USP50: variants seen among roughly 807,000 people sequenced by gnomAD.
USP50 encodes the protein ubiquitin carboxyl-terminal hydrolase 50.
Under a neutral mutation model 39.2 loss-of-function variants are expected in USP50, and 37 were observed. The ratio of observed to expected loss-of-function variants is 0.94; its 90% CI spans 0.73 to 1.24. The LOEUF (loss-of-function observed/expected upper bound fraction) is 1.24, where lower values mean the gene tolerates loss of function less well. Among genes scored for constraint, USP50 ranks in the 50% most tolerant of loss-of-function variants. USP50 has a pLI of 0.00. For synonymous variants in USP50, 139 were observed against 144.5 expected, an observed-to-expected ratio of 0.96 and a Z score of 0.27; for missense variants, 374 against 398.2, an observed-to-expected ratio of 0.94 and a Z score of 0.52.
intron 6 of USP50, among the ~76,000 whole-genome samples, chr15:50,525,514 A>C (rs1361427325): frequency 1.8e-5 from 2 of 109,620 alleles, no homozygotes; most frequent in East Asian, 4.8e-4. Context: ...GTGTGTATAT[A>C]TATGTATATA....
At chr15:50,539,391 G>GT (rs55858194) in intron 4 of USP50, among the ~76,000 whole-genome samples, 4,547 of 135,982 alleles carry the variant, frequency 0.033, 220 homozygotes, top group African/African-American at 0.11. Context: ...TAACTTTTCT[G>GT]TTTTTTTTTT....
In USP50 at chr15:50,546,564, A is replaced by G. The variant is rs753349695; in HGVS notation, c.-39T>C. ...CGTTGGACTTTTGCTTCTATTCAGG[A>G]GCTACATCTATTCCTTTCAACTTCA... is the stretch of plus-strand genomic sequence containing the variant. On this transcript the variant is annotated 5_prime_UTR_variant, in exon 1 of 7. Transcript: ENST00000532404. The G allele has an allele frequency of 6.2e-7, 1 of 1,609,372 alleles. No individual in the cohort carries two copies. The highest frequency in any genetic ancestry group is 8.5e-7 in the Non-Finnish European group (1 of 1,175,934).
intron 6 of USP50, among the ~76,000 whole-genome samples, chr15:50,522,278 A>T (rs529127254): frequency 6.6e-6 from 1 of 151,926 alleles, no homozygotes; most frequent in Non-Finnish European, 1.5e-5. Context: ...TACAAAAATT[A>T]GCCAGGCATG....
chr15:50,540,979 A>G, intron 4 of USP50, 70 bp downstream of exon 4: 2 of 1,221,916 alleles, frequency 1.6e-6, no homozygotes, highest in Middle Eastern at 1.9e-4. Flanking sequence ...CAAATGTAGG[A>G]AACAGCCCCG....
rs1420429309 is a variant in USP50 at position 50,518,094 on chromosome 15, T to C, written c.936+11703A>G. 2.0e-5 allele frequency among the ~76,000 whole-genome samples: 3 copies of C among 152,110 alleles called. No homozygotes were observed. In the East Asian group the frequency reaches 5.8e-4, roughly 29 times the overall value. On this transcript the variant is annotated intron_variant, in intron 6 of 6. Transcript: ENST00000532404. The stretch of plus-strand genomic sequence containing the variant: ...CATTACCTGACTTTAAAATATACTA[T>C]AAAACTATAGTAACCAAAACAGTAT...
chr15:50,543,463 G>A (rs2053045533), intron 3 of USP50, 135 bp downstream of exon 3: 2 of 775,450 alleles, frequency 2.6e-6, no homozygotes, highest in Non-Finnish European at 4.1e-6. Context: ...TAACTTGGAT[G>A]TTCTCCATGG....
chr15:50,493,682 CTGCAGTGAGCCGTGATTG>C, downstream of USP50: 1 of 370,734 alleles, frequency 2.7e-6, no homozygotes, highest in Non-Finnish European at 5.3e-6. Flanking sequence ...AAGGTCAAGG[CTGCAGTGAGCCGTGATTG>C]TGCCGCTATA....
At chr15:50,497,116 G>GA, downstream of USP50, 2 of 1,604,644 alleles carry the variant, frequency 1.2e-6, no homozygotes, top group Non-Finnish European at 1.7e-6. Flanking sequence ...TTCCAAAGAA[G>GA]AAAAACTCAC....
chr15:50,522,071 G>T (rs1468139462), intron 6 of USP50, among the ~76,000 whole-genome samples: 1 of 152,116 alleles, frequency 6.6e-6, no homozygotes, highest in Non-Finnish European at 1.5e-5. Flanking sequence ...GGATAGTCTA[G>T]AAGAAATGTA....
downstream of USP50, chr15:50,498,359 A>T (rs62019115): frequency 4.7e-6 from 2 of 426,346 alleles, no homozygotes; most frequent in African/African-American, 2.0e-5. Context: ...TCCTACCTCT[A>T]CCATTCTGGC....
chr15:50,494,000 G>A, downstream of USP50: 1 of 1,535,450 alleles, frequency 6.5e-7, no homozygotes, highest in Non-Finnish European at 9.0e-7. Context: ...TTGACATCAA[G>A]AATCTACTGT....
chr15:50,542,878 TAACCATTCC>T (rs1397658267), intron 3 of USP50, among the ~76,000 whole-genome samples: 1 of 152,176 alleles, frequency 6.6e-6, no homozygotes, highest in African/African-American at 2.4e-5. Flanking sequence ...ACCTTTATGC[TAACCATTCC>T]CTGGGTATTA....
intron 5 of USP50, among the ~76,000 whole-genome samples, chr15:50,531,125 C>T (rs1542958): frequency 5.8e-4 from 88 of 151,840 alleles, no homozygotes; most frequent in African/African-American, 2.0e-3. Context: ...GAAATTACCG[C>T]GACTGAGACA....
At chr15:50,528,391 G>A (rs557436996) in intron 6 of USP50, among the ~76,000 whole-genome samples, 22 of 151,638 alleles carry the variant, frequency 1.5e-4, no homozygotes, top group African/African-American at 4.6e-4. Context: ...ATCCTTCCAC[G>A]TCAGCCTCCA....
chr15:50,530,012 A>G (rs1183197666), intron 5 of USP50, 83 bp from the exon 6 acceptor site: 1 of 1,565,578 alleles, frequency 6.4e-7, no homozygotes, highest in African/African-American at 1.4e-5. Context: ...GAGTATTTTA[A>G]AAGTAATTTC....
chr15:50,542,482 T>C (rs1171656901), intron 3 of USP50, among the ~76,000 whole-genome samples: 1 of 42,974 alleles, frequency 2.3e-5, no homozygotes, highest in Non-Finnish European at 5.8e-5. Flanking sequence ...TTCCTTTTCA[T>C]TTTTTTTTTT....
intron 6 of USP50, among the ~76,000 whole-genome samples, chr15:50,516,986 C>G (rs921146957): frequency 2.6e-5 from 4 of 152,126 alleles, no homozygotes; most frequent in Non-Finnish European, 5.9e-5. Context: ...TTCAATACCC[C>G]ACTTGCAACA....
chr15:50,495,459 G>A (rs2052354297), intron 1 of USP50, among the ~76,000 whole-genome samples: 1 of 144,050 alleles, frequency 6.9e-6, no homozygotes, highest in Non-Finnish European at 1.5e-5. Context: ...AAACTTTTTA[G>A]CTTTTTCTTT....
intron 6 of USP50, chr15:50,501,548 A>G (rs143913877): frequency 6.6e-6 from 1 of 151,660 alleles, no homozygotes; most frequent in African/African-American, 2.4e-5. Context: ...CAGAAGAGAC[A>G]TTTAACATTA....
Sources: allele counts gnomAD v4.1 joint callset (sites outside exome capture counted in the v4.1 genomes callset), GRCh38; gene constraint gnomAD v4.1.1; transcripts MANE v1.5; gene names NCBI Gene and HGNC (gene_info 2026-07-23, HGNC 2026-07-21).